Variants in PLA2G6 observed in about 807,000 individuals in gnomAD.
The protein encoded by PLA2G6 is 85/88 kDa calcium-independent phospholipase A2.
PLA2G6 carries 62 observed loss-of-function variants against 83.8 expected under a neutral mutation model. The ratio of observed to expected loss-of-function variants is 0.74; its 90% CI spans 0.60 to 0.91. PLA2G6 has a LOEUF of 0.91. PLA2G6 is among the 40% of genes least tolerant of loss of function. The probability of loss-of-function intolerance (pLI) is 0.00; values close to 1 mark genes in which losing one functional copy is unlikely to be tolerated. For missense variants in PLA2G6, 944 were observed against 1,102.0 expected (o/e 0.86, Z 2.03); for synonymous variants, 417 against 449.8 (o/e 0.93, Z 0.92).
intron 2 of PLA2G6, chr22:38,163,522 T>C (rs2090098833): frequency 5.9e-6 from 1 of 169,518 alleles, no homozygotes. Context: ...GGGAAACAGA[T>C]GTGGAAACAG....
At chr22:38,166,193 G>A (rs898430854) in intron 2 of PLA2G6, among the ~76,000 whole-genome samples, 1 of 152,160 alleles carries the variant, frequency 6.6e-6, no homozygotes, top group African/African-American at 2.4e-5. Context: ...CCGGGTTCTG[G>A]CCAATGCGTG....
Position 38,123,293 on chromosome 22 carries a change from C to A in PLA2G6, c.1428-35G>T. ...GAACAGCAGTGGGAGAGAGGAGGGT[C>A]CTGCCACAGCCCAGTACTTTACATC... is the stretch of plus-strand genomic sequence containing the variant. On this transcript the variant is annotated intron_variant, in intron 10 of 16. Transcript: ENST00000332509. The surrounding 1 kb of genome is among the most constrained non-coding windows in gnomAD (Gnocchi z 4.1). The A allele has an allele frequency of 6.5e-7, 1 of 1,548,516 alleles. No homozygotes were observed.
intron 4 of PLA2G6, chr22:38,142,288 AG>A (rs1414818086): frequency 2.0e-5 from 3 of 151,430 alleles, no homozygotes; most frequent in Non-Finnish European, 4.4e-5. Flanking sequence ...CATGATCTTT[AG>A]AAGAATTTTC....
intron 15 of PLA2G6, 146 bp from the exon 16 acceptor site, chr22:38,112,723 C>A: frequency 1.4e-6 from 1 of 715,314 alleles, no homozygotes; most frequent in South Asian, 1.5e-5. Flanking sequence ...AGCAGAGCGG[C>A]TCGGGCAAAA....
chr22:38,143,366 G>C (rs568019218), intron 3 of PLA2G6, 78 bp from the exon 4 acceptor site: 38 of 1,384,338 alleles, frequency 2.7e-5, no homozygotes, highest in Non-Finnish European at 2.5e-5. Context: ...GCACATGCAG[G>C]GAAGTGCACT....
chr22:38,145,203 A>C, intron 3 of PLA2G6: 1 of 560,990 alleles, frequency 1.8e-6, no homozygotes. Flanking sequence ...TAATTTTTTA[A>C]TTTTTTCGTA....
intron 11 of PLA2G6, among the ~76,000 whole-genome samples, chr22:38,122,884 G>A (rs2087602620): frequency 1.3e-5 from 2 of 152,292 alleles, no homozygotes; most frequent in South Asian, 2.1e-4. Flanking sequence ...GCCAGAGGGC[G>A]GGGGATCCCC....
At chr22:38,116,236 C>CG in intron 12 of PLA2G6, 25 bp from the exon 13 acceptor site, 1 of 1,613,394 alleles carries the variant, frequency 6.2e-7, no homozygotes, top group Non-Finnish European at 8.5e-7. Context: ...GGCAGGAGGA[C>CG]GGCTGAGCCA....
At chr22:38,113,864 T>C in intron 14 of PLA2G6, 1 of 677,954 alleles carries the variant, frequency 1.5e-6, no homozygotes, top group Non-Finnish European at 2.7e-6. Flanking sequence ...ACATGCCATC[T>C]GCTCAGGACA....
intron 1 of PLA2G6, among the ~76,000 whole-genome samples, chr22:38,173,945 G>A (rs1215523773): frequency 1.3e-5 from 2 of 152,130 alleles, no homozygotes; most frequent in South Asian, 2.1e-4. Flanking sequence ...CCAGCTACTC[G>A]GGAGGCTAAG....
intron 1 of PLA2G6, among the ~76,000 whole-genome samples, chr22:38,172,717 G>A (rs1385607417): frequency 6.6e-6 from 1 of 152,236 alleles, no homozygotes. Flanking sequence ...CGCCCAGGAA[G>A]GGCAGAGAGT....
At chr22:38,162,132 C>A (rs1452294120) in intron 2 of PLA2G6, among the ~76,000 whole-genome samples, 1 of 151,072 alleles carries the variant, frequency 6.6e-6, no homozygotes, top group Non-Finnish European at 1.5e-5. Flanking sequence ...CTGCTTGAAC[C>A]CCGGAGGTGG....
In PLA2G6 at chr22:38,132,132, G is replaced by A. The variant is rs998883756; in HGVS notation, c.1077+699C>T. 6 of 455,782 alleles carry A rather than the reference G, an allele frequency of 1.3e-5. No individual in the cohort carries two copies. Among genetic ancestry groups the A allele is most frequent in the Admixed American group, 1.2e-4 (5 of 42,512 alleles). The allele number at this position is 455,782 out of a possible 1,614,324, so 28.2% of individuals were successfully genotyped here. A position where few individuals can be genotyped will look rare whatever the true frequency, so the allele number is the denominator to read the frequency against. On this transcript the variant is annotated intron_variant, in intron 7 of 16. Coordinates refer to ENST00000332509, the MANE Select transcript of PLA2G6 (RefSeq NM_003560.4). The surrounding 1 kb of genome is among the most constrained non-coding windows in gnomAD (Gnocchi z 5.0). Reference sequence around the variant, plus strand: ...TCCATCTCGAAAAAAAAGAATACATGCACACACATATGTCTGTAACACAGT... The same window carrying A: ...TCCATCTCGAAAAAAAAGAATACATACACACACATATGTCTGTAACACAGT...
intron 5 of PLA2G6, 31 bp from the exon 6 acceptor site, chr22:38,135,115 A>C: frequency 6.7e-7 from 1 of 1,503,250 alleles, no homozygotes; most frequent in Non-Finnish European, 9.3e-7. Context: ...GTTGGTGAGC[A>C]GAAGCTAGGG....
At chr22:38,145,718 C>T in intron 2 of PLA2G6, 65 bp from the exon 3 acceptor site, 1 of 1,177,608 alleles carries the variant, frequency 8.5e-7, no homozygotes, top group South Asian at 1.3e-5. Context: ...GCCCACATCC[C>T]TGCTGGAATC....
intron 1 of PLA2G6, among the ~76,000 whole-genome samples, chr22:38,172,676 G>A (rs996914273): frequency 1.3e-5 from 2 of 152,258 alleles, no homozygotes; most frequent in Non-Finnish European, 2.9e-5. Flanking sequence ...AGGCTACCCC[G>A]AGGACGGGCC....
Position 38,147,502 on chromosome 22 carries a change from T to C in PLA2G6, c.210-1849A>G, listed in dbSNP as rs566771876. 13 of 167,454 alleles carry C rather than the reference T, an allele frequency of 7.8e-5. No homozygotes were observed. In the South Asian group the frequency reaches 2.7e-3, roughly 35 times the overall value. 10.4% of individuals were successfully genotyped at this position (167,454 alleles called of 1,614,324 possible). Reference sequence around the variant, plus strand: ...TGTGCCAAATGGAGGGGTCAATTAATGAACAATTGCATAAAATGCTCTGCC... The same window carrying C: ...TGTGCCAAATGGAGGGGTCAATTAACGAACAATTGCATAAAATGCTCTGCC... On this transcript the variant is annotated intron_variant, in intron 2 of 16. Coordinates refer to ENST00000332509, the MANE Select transcript of PLA2G6 (RefSeq NM_003560.4).
intron 1 of PLA2G6, among the ~76,000 whole-genome samples, chr22:38,179,038 G>T (rs2090744612): frequency 6.6e-6 from 1 of 152,222 alleles, no homozygotes; most frequent in African/African-American, 2.4e-5. Flanking sequence ...GGGATAGGAA[G>T]TGCTGAGGTG....
At position 38,128,333 on chromosome 22, in the gene PLA2G6, T is replaced by G. The variant is rs754067108; in HGVS notation, c.1284A>C (p.Ala428=). 2 of 1,613,418 alleles carry G rather than the reference T, an allele frequency of 1.2e-6. No individual in the cohort carries two copies. Among genetic ancestry groups the G allele is most frequent in the Non-Finnish European group, 1.7e-6 (2 of 1,179,958 alleles). ...CCAGGGAGAAGGGATGATGTGGCGC[T>G]GCAGAGCCCTGCTCCGCGGGGACCC... The part of the protein sequence containing the change: ...IHGVPAEQGS[A]APHHPFSLER... The change falls in exon 9 of 17, where the codon GCA becomes GCC. Residue 428 remains alanine (A), a synonymous_variant. Coordinates refer to ENST00000332509, the MANE Select transcript of PLA2G6 (RefSeq NM_003560.4). The surrounding 1 kb of genome is among the most constrained non-coding windows in gnomAD (Gnocchi z 4.4).
Sources: gnomAD v4.1 joint callset for allele counts (sites outside exome capture counted in the v4.1 genomes callset) on GRCh38, gnomAD v4.1.1 for gene constraint, Gnocchi (gnomAD v3.1) non-coding constraint, MANE v1.5 for transcripts, NCBI Gene and HGNC (gene_info 2026-07-23, HGNC 2026-07-21) for gene names.